Variants in RAP1GDS1 observed in about 807,000 individuals in gnomAD.
RAP1GDS1 encodes the protein RAP1, GTP-GDP dissociation stimulator 1.
RAP1GDS1 carries 35 observed loss-of-function variants against 71.1 expected under a neutral mutation model. The observed-to-expected ratio is 0.49, with a 90% CI of 0.38 to 0.65. RAP1GDS1 has a LOEUF of 0.65. Ranked by LOEUF, RAP1GDS1 falls within the 30% of genes least tolerant of loss-of-function variation. RAP1GDS1 has a pLI of 0.00. For missense variants in RAP1GDS1, 663 were observed against 706.1 expected, an observed-to-expected ratio of 0.94 and a Z score of 0.69; for synonymous variants, 229 against 243.1, an observed-to-expected ratio of 0.94 and a Z score of 0.54.
At chr4:98,320,419 T>C (rs560475267) in intron 2 of RAP1GDS1, among the ~76,000 whole-genome samples, 7 of 152,282 alleles carry the variant, frequency 4.6e-5, no homozygotes, top group African/African-American at 1.7e-4. Context: ...CTTTTCAGAA[T>C]GATTCAGTGT....
At chr4:98,357,760 A>T (rs935871326) in intron 4 of RAP1GDS1, among the ~76,000 whole-genome samples, 2 of 151,936 alleles carry the variant, frequency 1.3e-5, no homozygotes, top group African/African-American at 4.8e-5. Flanking sequence ...TTATAAATGT[A>T]TAAAATTTTA....
At chr4:98,382,500 AT>A (rs923643314) in intron 5 of RAP1GDS1, among the ~76,000 whole-genome samples, 21 of 150,600 alleles carry the variant, frequency 1.4e-4, no homozygotes, top group Non-Finnish European at 2.8e-4. Context: ...TGAACTTGCT[AT>A]TTTTTTTTCT....
intron 12 of RAP1GDS1, among the ~76,000 whole-genome samples, chr4:98,424,861 C>T (rs746334979): frequency 1.1e-4 from 17 of 151,810 alleles, no homozygotes; most frequent in Middle Eastern, 3.4e-3. Context: ...GAGACCTAGA[C>T]GTCCAAATAC....
intron 1 of RAP1GDS1, among the ~76,000 whole-genome samples, chr4:98,277,114 C>T (rs1015379172): frequency 3.9e-5 from 6 of 152,012 alleles, no homozygotes; most frequent in Non-Finnish European, 8.8e-5. Context: ...AAAAAGCAAG[C>T]GCACACATAC....
intron 3 of RAP1GDS1, among the ~76,000 whole-genome samples, chr4:98,345,796 G>A (rs1736161200): frequency 6.6e-6 from 1 of 152,160 alleles, no homozygotes. Flanking sequence ...TTATGCACTA[G>A]TTTGTTTCTC....
chr4:98,272,523 C>T (rs200751724), intron 1 of RAP1GDS1, among the ~76,000 whole-genome samples: 17 of 152,084 alleles, frequency 1.1e-4, no homozygotes, highest in Non-Finnish European at 2.2e-4. Context: ...GATCTGTGGT[C>T]GGACGTTGTC....
chr4:98,317,166 T>C (rs1731058186), intron 2 of RAP1GDS1, among the ~76,000 whole-genome samples: 1 of 152,128 alleles, frequency 6.6e-6, no homozygotes, highest in Non-Finnish European at 1.5e-5. Flanking sequence ...ACCCTTATCA[T>C]TTAAATAAGG....
At chr4:98,263,223 T>C (rs549817934) in intron 1 of RAP1GDS1, among the ~76,000 whole-genome samples, 1 of 152,288 alleles carries the variant, frequency 6.6e-6, no homozygotes, top group Non-Finnish European at 1.5e-5. Context: ...GTATGTCCAA[T>C]AACCCTATCT....
intron 2 of RAP1GDS1, among the ~76,000 whole-genome samples, chr4:98,334,712 C>T (rs1164868733): frequency 6.6e-6 from 1 of 151,998 alleles, no homozygotes; most frequent in African/African-American, 2.4e-5. Context: ...TGTTTCTTTA[C>T]CCTAAGCAAT....
At chr4:98,440,429 A>G (rs1751721819) in intron 14 of RAP1GDS1, among the ~76,000 whole-genome samples, 1 of 152,060 alleles carries the variant, frequency 6.6e-6, no homozygotes, top group Non-Finnish European at 1.5e-5. Flanking sequence ...ATACTGTCAT[A>G]CTCTTTTTCA....
intron 7 of RAP1GDS1, among the ~76,000 whole-genome samples, chr4:98,416,349 T>G (rs1560986521): frequency 1.6e-5 from 2 of 126,326 alleles, no homozygotes; most frequent in African/African-American, 3.1e-5. Flanking sequence ...TTTTTTTTTT[T>G]TTTTTTTTTT....
At chr4:98,341,323 A>G (rs2110392823) in intron 2 of RAP1GDS1, among the ~76,000 whole-genome samples, 1 of 152,358 alleles carries the variant, frequency 6.6e-6, no homozygotes, top group East Asian at 1.9e-4. Flanking sequence ...TGTTTAGTAC[A>G]GCTATTCTCC....
At chr4:98,272,077 A>G (rs1318629251) in intron 1 of RAP1GDS1, among the ~76,000 whole-genome samples, 1 of 152,180 alleles carries the variant, frequency 6.6e-6, no homozygotes, top group Non-Finnish European at 1.5e-5. Flanking sequence ...ACCACCATCA[A>G]GCATAGGCTG....
intron 1 of RAP1GDS1, among the ~76,000 whole-genome samples, chr4:98,288,540 T>C (rs1726400020): frequency 2.0e-5 from 3 of 152,216 alleles, no homozygotes; most frequent in Admixed American, 1.3e-4. Context: ...CCTTTGGGTA[T>C]ATACCCAGTA....
intron 1 of RAP1GDS1, among the ~76,000 whole-genome samples, chr4:98,287,786 AT>A (rs145993072): frequency 0.17 from 26,207 of 150,326 alleles, 3,672 homozygotes; most frequent in African/African-American, 0.39. Context: ...TTGCTCAGAT[AT>A]TTTTTTTTTC....
At chr4:98,318,726 G>C (rs148338815) in intron 2 of RAP1GDS1, among the ~76,000 whole-genome samples, 1 of 152,316 alleles carries the variant, frequency 6.6e-6, no homozygotes, top group South Asian at 2.1e-4. Flanking sequence ...GTTGATGTCT[G>C]TGTCAACAAC....
chr4:98,327,060 T>C (rs968934311), intron 2 of RAP1GDS1, among the ~76,000 whole-genome samples: 3 of 152,218 alleles, frequency 2.0e-5, no homozygotes, highest in Non-Finnish European at 4.4e-5. Context: ...TGATGTGATC[T>C]CTGAGCTGAT....
chr4:98,364,610 A>AT (rs1204287404), intron 4 of RAP1GDS1, among the ~76,000 whole-genome samples: 1 of 152,194 alleles, frequency 6.6e-6, no homozygotes, highest in Non-Finnish European at 1.5e-5. Context: ...ATTTTGTTTA[A>AT]TTTGTTTAAA....
chr4:98,442,366 T>C lies in RAP1GDS1; in HGVS notation c.*249T>C. 3 of 399,926 alleles carry C rather than the reference T, an allele frequency of 7.5e-6. No homozygotes were observed. Among genetic ancestry groups the C allele is most frequent in the Non-Finnish European group, 8.9e-6 (2 of 223,802 alleles). 24.8% of individuals were successfully genotyped at this position (399,926 alleles called of 1,614,324 possible). On this transcript the variant is annotated 3_prime_UTR_variant, in exon 15 of 15. Transcript: ENST00000408927. ...TGTATTCCTGTTGCTTGAGCTACATTAAGTAGAATGTGCATGTTGTAGTCC... is the reference window on the plus strand; with the variant it reads ...TGTATTCCTGTTGCTTGAGCTACATCAAGTAGAATGTGCATGTTGTAGTCC...
Sources: gnomAD v4.1 joint callset for allele counts (sites outside exome capture counted in the v4.1 genomes callset) on GRCh38, gnomAD v4.1.1 for gene constraint, MANE v1.5 for transcripts, NCBI Gene and HGNC (gene_info 2026-07-23, HGNC 2026-07-21) for gene names.